Variants in RDH13 observed in about 807,000 individuals in gnomAD.
The protein encoded by RDH13 is retinol dehydrogenase 13 (all-trans and 9-cis).
In RDH13, 35 loss-of-function variants were observed where a neutral mutation model predicts 28.3. That is an observed-to-expected ratio of 1.24 (90% confidence interval 0.95 to 1.64). The LOEUF (loss-of-function observed/expected upper bound fraction) is 1.64. Ranked by LOEUF, RDH13 falls within the 40% of genes most tolerant of loss-of-function variation. The probability of loss-of-function intolerance (pLI) is 0.00; values close to 1 mark genes in which losing one functional copy is unlikely to be tolerated. For synonymous variants in RDH13, 229 were observed against 198.5 expected (o/e 1.15, Z -1.29); for missense variants, 514 against 446.3 (o/e 1.15, Z -1.37).
intron 3 of RDH13, among the ~76,000 whole-genome samples, chr19:55,056,438 CAG>C (rs1490552132): frequency 1.3e-5 from 2 of 151,232 alleles, no homozygotes; most frequent in Non-Finnish European, 2.9e-5. Flanking sequence ...GCCTGGCCGA[CAG>C]AGTGAGACTC....
At chr19:55,039,514 C>G (rs1229411902), downstream of RDH13, 1 of 152,204 alleles carries the variant, frequency 6.6e-6, no homozygotes, top group Non-Finnish European at 1.5e-5. Context: ...CACCACTGCA[C>G]TCCAGCCTGG....
chr19:55,064,395 T>TG (rs1450001749), upstream of RDH13: 5 of 148,652 alleles, frequency 3.4e-5, no homozygotes, highest in East Asian at 4.0e-4. Flanking sequence ...CATTCCAGCC[T>TG]GGCGACAGAG....
rs200752249 is a variant in RDH13, at chr19:55,048,414, C to T, written c.573G>A (p.Thr191=). Residue 191 remains threonine (T), a synonymous_variant, in exon 5 of 7, where the codon ACG becomes ACA. Transcript: ENST00000415061. Reference sequence around the variant, plus strand: ...AGGCGGCTTTGGTGTTATACTTCCTCGTCTGCCAGTTCAAGTCGTCAAAGT... The same window carrying T: ...AGGCGGCTTTGGTGTTATACTTCCTTGTCTGCCAGTTCAAGTCGTCAAAGT... ...HIDFDDLNWQ[T]RKYNTKAAYC... The T allele has an allele frequency of 1.1e-5, 18 of 1,614,070 alleles. No homozygotes were observed. The East Asian group carries it at 1.3e-4, about 12-fold the overall frequency.
chr19:55,053,543 G>A (rs79286834), intron 3 of RDH13, among the ~76,000 whole-genome samples: 21,954 of 151,494 alleles, frequency 0.14, 1,826 homozygotes, highest in African/African-American at 0.22. Context: ...GTAGTCCCCC[G>A]CCACTCGGGA....
chr19:55,066,010 C>A (rs146513525), upstream of RDH13, among the ~76,000 whole-genome samples: 18 of 152,308 alleles, frequency 1.2e-4, no homozygotes, highest in African/African-American at 1.9e-4. Context: ...TGAGCCACTG[C>A]GCCCAGCTAC....
chr19:55,062,856 G>C, intron 1 of RDH13, 112 bp downstream of exon 1: 3 of 960,032 alleles, frequency 3.1e-6, no homozygotes, highest in Non-Finnish European at 4.3e-6. Context: ...ACTGCGGGTC[G>C]GGAGCTACGG....
rs369079469 is a variant in RDH13 at position 55,048,755 on chromosome 19, GCTC to G, written c.346_348del (p.Glu116del). The G allele has an allele frequency of 5.8e-4, 937 of 1,613,804 alleles. 3 individuals carry two copies. In the African/African-American group the frequency reaches 0.011, roughly 19 times the overall value. Reference sequence around the variant, plus strand: ...GCGTTGTTGATTAGAATGTCCACTCGCTCCTCCTCTGGAAGAGAGGGGTGGAGG... The same window carrying G: ...GCGTTGTTGATTAGAATGTCCACTCGCTCCTCTGGAAGAGAGGGGTGGAGG... On this transcript the variant is annotated inframe_deletion, in exon 4 of 7. Coordinates refer to ENST00000415061, the MANE Select transcript of RDH13 (RefSeq NM_001145971.2).
intron 3 of RDH13, among the ~76,000 whole-genome samples, chr19:55,053,139 A>G (rs1255821828): frequency 2.7e-5 from 4 of 146,696 alleles, no homozygotes; most frequent in Non-Finnish European, 6.0e-5. Context: ...TCATCTCACA[A>G]ACTGATCTTC....
Position 55,063,004 on chromosome 19 carries a change from G to A in RDH13, c.29C>T (p.Ala10Val), listed in dbSNP as rs1315870448. Residue 10 changes from alanine (A) to valine (V), a missense_variant, in exon 1 of 7, where the codon GCG becomes GTG. Coordinates refer to ENST00000415061, the MANE Select transcript of RDH13 (RefSeq NM_001145971.2). Reference protein sequence around the residue: MSRYLLPLSALGTVAGAAVL... With the variant: MSRYLLPLSVLGTVAGAAVL... ...GGCGGCGCCTGCTACCGTGCCCAGC[G>A]CCGACAGCGGCAGCAGGTAGCGGCT... 6.8e-7 allele frequency: 1 copy of A among 1,468,256 alleles called. No homozygotes were observed. The highest frequency in any genetic ancestry group is 1.4e-5 in the South Asian group (1 of 73,542). 91.0% of individuals were successfully genotyped at this position (1,468,256 alleles called of 1,614,324 possible). A position where few individuals can be genotyped will look rare whatever the true frequency, so the allele number is the denominator to read the frequency against.
upstream of RDH13, among the ~76,000 whole-genome samples, chr19:55,065,926 C>T (rs1027777707): frequency 6.6e-6 from 1 of 152,144 alleles, no homozygotes; most frequent in Non-Finnish European, 1.5e-5. Context: ...CCATGTTGGC[C>T]AGGCTGGTTT....
At chr19:55,046,941 G>A (rs990954505) in intron 6 of RDH13, 11 of 177,660 alleles carry the variant, frequency 6.2e-5, no homozygotes, top group Non-Finnish European at 1.2e-4. Context: ...TTCTCTGGGC[G>A]GGGTCCTGTG....
At chr19:55,050,853 G>A (rs1480817781) in intron 3 of RDH13, 4 of 151,846 alleles carry the variant, frequency 2.6e-5, no homozygotes, top group Non-Finnish European at 5.9e-5. Context: ...GACACCATCT[G>A]GTTCTCTGTG....
Position 55,048,362 on chromosome 19 carries a change from G to C in RDH13, c.625C>G (p.Leu209Val). 1 of 1,614,194 alleles carries C rather than the reference G, an allele frequency of 6.2e-7. No homozygotes were observed. Among genetic ancestry groups the C allele is most frequent in the Non-Finnish European group, 8.5e-7 (1 of 1,180,046 alleles). ...AYCQSKLAIV[L>V]FTKELSRRLQ... ...CGCCGGCTCAGCTCCTTGGTGAAGA[G>C]GACGATGGCGAGCTTGCTCTGGCAG... is the stretch of plus-strand genomic sequence containing the variant. Residue 209 changes from leucine (L) to valine (V), a missense_variant, in exon 5 of 7, where the codon CTC becomes GTC. By Grantham distance (32) the Leu-to-Val change is conservative. Transcript: ENST00000415061.
At chr19:55,040,281 C>G (rs1026239071), downstream of RDH13, 1 of 152,516 alleles carries the variant, frequency 6.6e-6, no homozygotes, top group Non-Finnish European at 1.5e-5. Context: ...GCCTCAGCCT[C>G]CTGAGTAGCT....
chr19:55,043,599 C>G (rs1259250659), downstream of RDH13, among the ~76,000 whole-genome samples: 2 of 151,846 alleles, frequency 1.3e-5, no homozygotes, highest in African/African-American at 4.8e-5. Flanking sequence ...ACATGGGAGA[C>G]ACAGGTTGCA....
At chr19:55,050,037 G>C (rs62122054) in intron 3 of RDH13, among the ~76,000 whole-genome samples, 20,320 of 150,052 alleles carry the variant, frequency 0.14, 1,659 homozygotes, top group Middle Eastern at 0.3. Context: ...GCCCAGGCTG[G>C]TCTCAAACTC....
At chr19:55,051,881 G>A (rs1245952714) in intron 3 of RDH13, among the ~76,000 whole-genome samples, 4 of 151,756 alleles carry the variant, frequency 2.6e-5, no homozygotes, top group African/African-American at 9.7e-5. Flanking sequence ...ACAGGCGCCC[G>A]ACACCACAAG....
intron 6 of RDH13, 153 bp downstream of exon 6, chr19:55,047,234 G>A: frequency 7.0e-7 from 1 of 1,421,504 alleles, no homozygotes; most frequent in Non-Finnish European, 9.2e-7. Flanking sequence ...GTCAACGGAG[G>A]AAAGGGACCT....
chr19:55,068,886 AG>A (rs2076006893), intron 1 of RDH13: 1 of 48,648 alleles, frequency 2.1e-5, no homozygotes, highest in Non-Finnish European at 3.7e-5. Flanking sequence ...GAGGGAGGGA[AG>A]GGAAAGGAAG....
Sources: gnomAD v4.1 joint callset for allele counts (sites outside exome capture counted in the v4.1 genomes callset) on GRCh38, gnomAD v4.1.1 for gene constraint, MANE v1.5 for transcripts, NCBI Gene and HGNC (gene_info 2026-07-23, HGNC 2026-07-21) for gene names.